SLC71A2: variants seen among roughly 807,000 people sequenced by gnomAD.
The protein encoded by SLC71A2 is hippocampus abundant transcript-like 1.
chr9:94,409,092 C>G, the SLC71A2 span, among the ~76,000 whole-genome samples: 1 of 148,908 alleles, frequency 6.7e-6, no homozygotes, highest in South Asian at 2.1e-4. Context: ...CTCGGCCTCC[C>G]AAAGTGCTGA....
At chr9:94,418,052 A>G in the SLC71A2 span, among the ~76,000 whole-genome samples, 103,886 of 151,730 alleles carry the variant, frequency 0.68, 35,848 homozygotes, top group Middle Eastern at 0.76. Context: ...AGACGACGGG[A>G]GGGTTTCACC....
the SLC71A2 span, chr9:94,458,412 T>C: frequency 2.5e-6 from 4 of 1,614,020 alleles, no homozygotes; most frequent in Non-Finnish European, 3.4e-6. Flanking sequence ...ATGTTCCATG[T>C]GGAACTGACT....
At chr9:94,377,342 AAGATTG>A in the SLC71A2 span, among the ~76,000 whole-genome samples, 2 of 151,430 alleles carry the variant, frequency 1.3e-5, no homozygotes, top group East Asian at 3.9e-4. Flanking sequence ...AATCACAGGG[AAGATTG>A]TCCAGCTGAT....
the SLC71A2 span, chr9:94,446,868 A>C: frequency 1.2e-6 from 2 of 1,612,862 alleles, no homozygotes; most frequent in Non-Finnish European, 8.5e-7. Flanking sequence ...ACTAATCTGC[A>C]TCACCGTGTT....
At chr9:94,446,918 T>C in the SLC71A2 span, 1 of 1,594,140 alleles carries the variant, frequency 6.3e-7, no homozygotes, top group Non-Finnish European at 8.6e-7. Flanking sequence ...ATTCAAGTTT[T>C]TTTCTCTATC....
chr9:94,385,672 C>T, the SLC71A2 span, among the ~76,000 whole-genome samples: 1 of 152,196 alleles, frequency 6.6e-6, no homozygotes, highest in Non-Finnish European at 1.5e-5. Flanking sequence ...CCATACATGG[C>T]TTATTTCTGG....
At chr9:94,459,594 TC>T in the SLC71A2 span, 1 of 565,908 alleles carries the variant, frequency 1.8e-6, no homozygotes, top group Non-Finnish European at 3.0e-6. Context: ...TCTCTTACAT[TC>T]TTTTTTTTTT....
the SLC71A2 span, among the ~76,000 whole-genome samples, chr9:94,421,539 G>A: frequency 6.6e-6 from 1 of 152,146 alleles, no homozygotes; most frequent in Non-Finnish European, 1.5e-5. Context: ...GTTGTATAGT[G>A]TGTTCTTACA....
At chr9:94,390,244 T>C in the SLC71A2 span, among the ~76,000 whole-genome samples, 1 of 150,702 alleles carries the variant, frequency 6.6e-6, no homozygotes, top group Non-Finnish European at 1.5e-5. Context: ...GTTTGTGTGA[T>C]AAATGTTTAC....
chr9:94,454,010 T>A, the SLC71A2 span: 1 of 1,614,188 alleles, frequency 6.2e-7, no homozygotes, highest in Non-Finnish European at 8.5e-7. Context: ...AATACTGTCC[T>A]CCTTGGCTTG....
the SLC71A2 span, among the ~76,000 whole-genome samples, chr9:94,397,436 C>T: frequency 6.6e-6 from 1 of 151,276 alleles, no homozygotes; most frequent in Non-Finnish European, 1.5e-5. Flanking sequence ...GCAAAAATTA[C>T]CAGGCATGGT....
the SLC71A2 span, among the ~76,000 whole-genome samples, chr9:94,446,167 G>T: frequency 1.4e-4 from 22 of 152,226 alleles, no homozygotes; most frequent in Non-Finnish European, 2.8e-4. Context: ...AACATTAGCT[G>T]CTTTTGCTTA....
chr9:94,418,332 C>T, the SLC71A2 span, among the ~76,000 whole-genome samples: 6 of 152,174 alleles, frequency 3.9e-5, no homozygotes, highest in Non-Finnish European at 7.3e-5. Flanking sequence ...TGTGTTGTCA[C>T]TTTAGTGGAT....
At chr9:94,387,099 T>A in the SLC71A2 span, among the ~76,000 whole-genome samples, 2 of 152,168 alleles carry the variant, frequency 1.3e-5, no homozygotes, top group Non-Finnish European at 2.9e-5. Context: ...CCCTGGGCCA[T>A]CCTTTTAATA....
the SLC71A2 span, chr9:94,456,093 A>C: frequency 1.8e-5 from 10 of 568,134 alleles, no homozygotes; most frequent in South Asian, 2.3e-4. Context: ...GTAGGTTAAA[A>C]AAAAAATGCA....
the SLC71A2 span, among the ~76,000 whole-genome samples, chr9:94,410,675 A>G: frequency 6.6e-6 from 1 of 152,232 alleles, no homozygotes; most frequent in African/African-American, 2.4e-5. Context: ...GCAAATTCCT[A>G]ATCATAGGAA....
chr9:94,431,819 A>G, the SLC71A2 span, among the ~76,000 whole-genome samples: 1 of 152,172 alleles, frequency 6.6e-6, no homozygotes, highest in Non-Finnish European at 1.5e-5. Flanking sequence ...CAGCAATTAC[A>G]GTATTTGACA....
At chr9:94,459,595 C>CTTT in the SLC71A2 span, 10 of 457,632 alleles carry the variant, frequency 2.2e-5, no homozygotes, top group East Asian at 1.1e-4. Context: ...CTCTTACATT[C>CTTT]TTTTTTTTTT....
At chr9:94,401,024 A>G in the SLC71A2 span, among the ~76,000 whole-genome samples, 3 of 151,586 alleles carry the variant, frequency 2.0e-5, no homozygotes, top group Non-Finnish European at 4.4e-5. Flanking sequence ...TCCTTCTAAC[A>G]ATCTTGTTGT....
Sources: gnomAD v4.1 joint callset for allele counts (sites outside exome capture counted in the v4.1 genomes callset) on GRCh38, gnomAD v4.1.1 for gene constraint, MANE v1.5 for transcripts, NCBI Gene and HGNC (gene_info 2026-07-23, HGNC 2026-07-21) for gene names.